CFAP299: variants seen among roughly 807,000 people sequenced by gnomAD.
CFAP299 encodes the protein cilia and flagella associated protein 299.
CFAP299 carries 21 observed loss-of-function variants against 27.0 expected under a neutral mutation model. That is an observed-to-expected ratio of 0.78 (90% CI 0.55 to 1.12). The LOEUF is 1.12. Ranked by LOEUF, CFAP299 falls within the 50% of genes most tolerant of loss-of-function variation. CFAP299 has a pLI of 0.00. For synonymous variants in CFAP299, 104 were observed against 98.1 expected, an observed-to-expected ratio of 1.06 and a Z score of -0.36; for missense variants, 310 against 276.6, an observed-to-expected ratio of 1.12 and a Z score of -0.86.
chr4:80,466,357 G>T (rs912351754), intron 2 of CFAP299, among the ~76,000 whole-genome samples: 12 of 152,132 alleles, frequency 7.9e-5, no homozygotes, highest in Admixed American at 2.6e-4. Context: ...TTAACCCAAA[G>T]AACTGATTAT....
intron 1 of CFAP299, among the ~76,000 whole-genome samples, chr4:80,347,708 A>G (rs1722805914): frequency 6.6e-6 from 1 of 152,238 alleles, no homozygotes; most frequent in Non-Finnish European, 1.5e-5. Context: ...CATGCTGCCC[A>G]AAGTAATTTA....
intron 2 of CFAP299, among the ~76,000 whole-genome samples, chr4:80,505,124 T>C (rs948770382): frequency 1.4e-5 from 2 of 145,496 alleles, no homozygotes; most frequent in African/African-American, 5.4e-5. Flanking sequence ...ATGTGGGAAA[T>C]CTTATATATT....
chr4:80,845,170 G>A (rs1230881262), intron 3 of CFAP299, among the ~76,000 whole-genome samples: 1 of 152,026 alleles, frequency 6.6e-6, no homozygotes, highest in Non-Finnish European at 1.5e-5. Context: ...TTGTAGTATA[G>A]TTTGAAGTCA....
In CFAP299 at chr4:80,929,906, C is replaced by T. The variant is rs57521887; in HGVS notation, c.477-14904C>T. On this transcript the variant is annotated intron_variant, in intron 4 of 5. Coordinates refer to ENST00000358105, the MANE Select transcript of CFAP299 (RefSeq NM_152770.3). The stretch of plus-strand genomic sequence containing the variant: ...GTAATATTATGAAATACAAATTTGG[C>T]CTTCTTTCCCATCTCCTGGCATATA... Among the ~76,000 whole-genome samples, 551 of 152,240 alleles carry T rather than the reference C, an allele frequency of 3.6e-3. 2 individuals carry two copies. The highest frequency in any genetic ancestry group is 0.012 in the African/African-American group (515 of 41,564).
At chr4:80,501,621 G>A (rs1055312849) in intron 2 of CFAP299, among the ~76,000 whole-genome samples, 1 of 150,324 alleles carries the variant, frequency 6.7e-6, no homozygotes, top group South Asian at 2.1e-4. Context: ...TTAAAAATTA[G>A]AAGATATTTT....
intron 5 of CFAP299, among the ~76,000 whole-genome samples, chr4:80,950,599 G>T (rs747430025): frequency 6.6e-6 from 1 of 152,116 alleles, no homozygotes; most frequent in Admixed American, 6.6e-5. Context: ...ATGCACAAAG[G>T]CATGGGAGCA....
At chr4:80,814,992 C>G (rs1729350576) in intron 3 of CFAP299, among the ~76,000 whole-genome samples, 1 of 151,970 alleles carries the variant, frequency 6.6e-6, no homozygotes, top group Non-Finnish European at 1.5e-5. Flanking sequence ...CTATATTCAC[C>G]AAAGGCATTT....
intron 3 of CFAP299, among the ~76,000 whole-genome samples, chr4:80,767,163 C>T (rs778023616): frequency 1.3e-5 from 2 of 151,766 alleles, no homozygotes; most frequent in Non-Finnish European, 2.9e-5. Flanking sequence ...GTACAATATA[C>T]AATATACACA....
intron 3 of CFAP299, among the ~76,000 whole-genome samples, chr4:80,716,500 A>G (rs1469509078): frequency 1.3e-5 from 2 of 151,916 alleles, no homozygotes; most frequent in African/African-American, 4.8e-5. Context: ...AACACACACA[A>G]TCAAATTGTG....
chr4:80,553,090 T>G (rs560488729), intron 2 of CFAP299, among the ~76,000 whole-genome samples: 3 of 152,238 alleles, frequency 2.0e-5, no homozygotes, highest in Admixed American at 1.3e-4. Flanking sequence ...GTGGTACAGA[T>G]TATTTTATTA....
intron 4 of CFAP299, chr4:80,871,242 T>C (rs1733080136): frequency 1.0e-6 from 1 of 985,344 alleles, no homozygotes; most frequent in Admixed American, 6.2e-5. Flanking sequence ...CTCTTTCCTG[T>C]CCTACCTAGG....
chr4:80,844,628 G>A (rs1424700304), intron 3 of CFAP299, among the ~76,000 whole-genome samples: 1 of 151,894 alleles, frequency 6.6e-6, no homozygotes, highest in African/African-American at 2.4e-5. Flanking sequence ...AAATTTGTTT[G>A]AGTTCATTGT....
chr4:80,808,144 T>A (rs1258698063), intron 3 of CFAP299, among the ~76,000 whole-genome samples: 2 of 152,130 alleles, frequency 1.3e-5, no homozygotes, highest in Non-Finnish European at 2.9e-5. Flanking sequence ...ATAGTTACAT[T>A]TCAGTTTTTC....
chr4:80,873,087 T>G, intron 4 of CFAP299: 1 of 842,908 alleles, frequency 1.2e-6, no homozygotes, highest in Non-Finnish European at 1.4e-6. Flanking sequence ...ATTATAGTTT[T>G]GCTTTTGATT....
chr4:80,558,228 A>T (rs1023980921), intron 2 of CFAP299, among the ~76,000 whole-genome samples: 8 of 152,124 alleles, frequency 5.3e-5, no homozygotes, highest in African/African-American at 1.9e-4. Flanking sequence ...TACTAATTAA[A>T]TTGAATTACC....
At chr4:80,853,809 T>G (rs542802051) in intron 3 of CFAP299, among the ~76,000 whole-genome samples, 11 of 152,264 alleles carry the variant, frequency 7.2e-5, no homozygotes, top group Non-Finnish European at 1.3e-4. Flanking sequence ...TAAATAATGT[T>G]GCATATTACA....
At chr4:80,757,505 A>G (rs1725302653) in intron 3 of CFAP299, among the ~76,000 whole-genome samples, 1 of 152,182 alleles carries the variant, frequency 6.6e-6, no homozygotes, top group South Asian at 2.1e-4. Flanking sequence ...ACATGTTTAT[A>G]CCAAACTTAT....
At chr4:80,938,164 A>G (rs2110225157) in intron 4 of CFAP299, among the ~76,000 whole-genome samples, 1 of 152,322 alleles carries the variant, frequency 6.6e-6, no homozygotes, top group East Asian at 1.9e-4. Flanking sequence ...ACCCTTACAT[A>G]ATCATTATAG....
At chr4:80,422,923 G>T (rs966102163) in intron 2 of CFAP299, among the ~76,000 whole-genome samples, 2 of 152,110 alleles carry the variant, frequency 1.3e-5, no homozygotes, top group Non-Finnish European at 2.9e-5. Flanking sequence ...GGAGTACTAG[G>T]CACACCTAGG....
Sources: gnomAD v4.1 joint callset for allele counts (sites outside exome capture counted in the v4.1 genomes callset) on GRCh38, gnomAD v4.1.1 for gene constraint, MANE v1.5 for transcripts, NCBI Gene and HGNC (gene_info 2026-07-23, HGNC 2026-07-21) for gene names.